CDH3: variants seen among roughly 807,000 people sequenced by gnomAD.
CDH3 encodes the protein cadherin 3, also known as cadherin-3.
Under a neutral mutation model 82.0 loss-of-function variants are expected in CDH3, and 54 were observed. That is an observed-to-expected ratio of 0.66 (90% confidence interval 0.53 to 0.83). The LOEUF (loss-of-function observed/expected upper bound fraction) is 0.83, where lower values mean the gene tolerates loss of function less well. CDH3 is among the 40% of genes least tolerant of loss of function. The pLI is 0.00. For missense variants in CDH3, 1,054 were observed against 1,084.6 expected, an observed-to-expected ratio of 0.97 and a Z score of 0.40; for synonymous variants, 446 against 437.9, an observed-to-expected ratio of 1.02 and a Z score of -0.23.
chr16:68,684,490 A>G (rs944862840), intron 9 of CDH3, 93 bp from the exon 10 acceptor site: 42 of 1,448,326 alleles, frequency 2.9e-5, no homozygotes, highest in Non-Finnish European at 2.6e-5. Context: ...CAAGCCCCTC[A>G]GTATTGGTGT....
In CDH3 at chr16:68,684,629, T is replaced by C. The variant is rs2152102608; in HGVS notation, c.1229T>C (p.Val410Ala). ...AACCAGCACACCCTGTACGTTGAAG[T>C]GACCAACGAGGCCCCTTTTGTGCTG... Reference protein sequence around the residue: ...AKNQHTLYVEVTNEAPFVLKL... With the variant: ...AKNQHTLYVEATNEAPFVLKL... Residue 410 changes from valine (V) to alanine (A), a missense_variant, in exon 10 of 16, where the codon GTG becomes GCG. By Grantham distance (64) the Val-to-Ala change is moderately conservative (BLOSUM62 0). Transcript: ENST00000264012. 1 of 1,614,208 alleles carries C rather than the reference T, an allele frequency of 6.2e-7. No homozygotes were observed. Among genetic ancestry groups the C allele is most frequent in the Non-Finnish European group, 8.5e-7 (1 of 1,180,022 alleles).
In CDH3 at chr16:68,645,750, G is replaced by C. The variant is rs1336444001; in HGVS notation, c.160G>C (p.Val54Leu). 6.5e-7 allele frequency: 1 copy of C among 1,542,818 alleles called. No individual in the cohort carries two copies. Among genetic ancestry groups the C allele is most frequent in the Non-Finnish European group, 8.7e-7 (1 of 1,145,284 alleles). Residue 54 changes from valine to leucine, a missense_variant and splice_region_variant, in exon 2 of 16, where the codon GTA (valine) becomes CTA (leucine). Coordinates refer to ENST00000264012, the MANE Select transcript of CDH3 (RefSeq NM_001793.6). Reference protein sequence around the residue: ...EQEPGQALGKVFMGCPGQEPA... With the variant: ...EQEPGQALGKLFMGCPGQEPA... ...GGAGCCCGGCCAGGCGCTGGGGAAA[G>C]GTAAGATCCTCAGGGTGGAACCGCA...
At chr16:68,690,998 A>C (rs966498716) in intron 12 of CDH3, among the ~76,000 whole-genome samples, 3 of 140,614 alleles carry the variant, frequency 2.1e-5, no homozygotes, top group African/African-American at 7.9e-5. Context: ...GCCATTCTTT[A>C]TTCCTTTACT....
chr16:68,693,752 G>A (rs1328186064), intron 13 of CDH3, among the ~76,000 whole-genome samples: 1 of 152,078 alleles, frequency 6.6e-6, no homozygotes, highest in East Asian at 1.9e-4. Flanking sequence ...CCATCAGCAG[G>A]CAAAAAAGTA....
chr16:68,705,591 T>G (rs992713023), intron 1 of CDH3, among the ~76,000 whole-genome samples: 1 of 151,506 alleles, frequency 6.6e-6, no homozygotes, highest in Non-Finnish European at 1.5e-5. Flanking sequence ...CTGGCTAACT[T>G]TTGTATTTTT....
rs1482549627 is a variant in CDH3, at chr16:68,695,877, G to A, written c.2234G>A (p.Arg745His). 17 of 1,614,014 alleles carry A rather than the reference G, an allele frequency of 1.1e-5. No individual in the cohort carries two copies. Among genetic ancestry groups the A allele is most frequent in the African/African-American group, 2.7e-5 (2 of 74,902 alleles). The change falls in exon 15 of 16, where the codon CGT (arginine) becomes CAT (histidine). Residue 745 changes from arginine (R) to histidine (H), a missense_variant. By Grantham distance (29) the Arg-to-His change is conservative. Coordinates refer to ENST00000264012, the MANE Select transcript of CDH3 (RefSeq NM_001793.6). ...ACCATCATCCCGACACCCATGTACC[G>A]TCCTCGGCCAGCCAACCCAGATGAA... ...APTIIPTPMYRPRPANPDEIG... is the reference protein window; with the variant it reads ...APTIIPTPMYHPRPANPDEIG...
At chr16:68,653,954 TG>T (rs1469862702) in intron 2 of CDH3, among the ~76,000 whole-genome samples, 1 of 151,982 alleles carries the variant, frequency 6.6e-6, no homozygotes, top group East Asian at 1.9e-4. Context: ...CCTGACCTCA[TG>T]ATCCACCCAC....
At chr16:68,650,937 TAAA>T (rs377604279) in intron 2 of CDH3, 814 of 157,672 alleles carry the variant, frequency 5.2e-3, no homozygotes, top group Non-Finnish European at 7.4e-3. Flanking sequence ...TTGAACAGGT[TAAA>T]AAAAAAAAAA....
At chr16:68,715,566 C>G (rs1472732035) in intron 1 of CDH3, among the ~76,000 whole-genome samples, 2 of 152,166 alleles carry the variant, frequency 1.3e-5, no homozygotes, top group Admixed American at 1.3e-4. Context: ...AGAGACATAG[C>G]CCCACTCCAG....
intron 1 of CDH3, among the ~76,000 whole-genome samples, chr16:68,717,940 C>A (rs1962113658): frequency 6.6e-6 from 1 of 152,088 alleles, no homozygotes; most frequent in South Asian, 2.1e-4. Context: ...TCCCAGACTC[C>A]AGAATCATGA....
chr16:68,731,039 AAAAAAAAAATATATATATATATAT>A (rs1962277852), downstream of CDH3, among the ~76,000 whole-genome samples: 1 of 32,106 alleles, frequency 3.1e-5, no homozygotes, highest in Admixed American at 4.5e-4. Flanking sequence ...AAAAAAAAAA[AAAAAAAAAATATATATATATATAT>A]ATATATATAT....
rs561915097 is a variant in CDH3 at position 68,691,011 on chromosome 16, C to CTT, written c.1796-695_1796-694dup. The stretch of plus-strand genomic sequence containing the variant: ...TAGCCATTCTTTATTCCTTTACTTT[C>CTT]TTTTTTTTTTTTTTTGAGACAGTCC... On this transcript the variant is annotated intron_variant, in intron 12 of 15. Coordinates refer to ENST00000264012, the MANE Select transcript of CDH3 (RefSeq NM_001793.6). 6.3e-3 allele frequency among the ~76,000 whole-genome samples: 861 copies of CTT among 137,564 alleles called. 6 individuals carry two copies. Among genetic ancestry groups the CTT allele is most frequent in the South Asian group, 0.039 (167 of 4,330 alleles). 90.2% of individuals were successfully genotyped at this position (137,564 alleles called of 152,430 possible).
intron 3 of CDH3, 107 bp from the exon 4 acceptor site, chr16:68,678,027 G>A: frequency 9.7e-7 from 1 of 1,028,954 alleles, no homozygotes; most frequent in Non-Finnish European, 1.5e-6. Context: ...GGGATTATAG[G>A]CGTGAGCTAC....
At chr16:68,650,867 G>A (rs1255431394) in intron 2 of CDH3, among the ~76,000 whole-genome samples, 1 of 151,394 alleles carries the variant, frequency 6.6e-6, no homozygotes, top group Non-Finnish European at 1.5e-5. Flanking sequence ...GGCAAGGGGG[G>A]AATATCCCTG....
chr16:68,656,451 A>AC (rs1382693326), intron 2 of CDH3, among the ~76,000 whole-genome samples: 1 of 152,076 alleles, frequency 6.6e-6, no homozygotes, highest in Non-Finnish European at 1.5e-5. Context: ...CACCACCACC[A>AC]CCCAGATACC....
chr16:68,728,067 C>T (rs1021248587), downstream of CDH3, among the ~76,000 whole-genome samples: 3 of 152,170 alleles, frequency 2.0e-5, no homozygotes, highest in Non-Finnish European at 2.9e-5. Context: ...TATTGGCATC[C>T]AGCACAAAGC....
rs1961841530 is a variant in CDH3, at chr16:68,699,294, G to A, written c.*894G>A. 6.6e-6 allele frequency: 1 copy of A among 152,090 alleles called. No individual in the cohort carries two copies. The highest frequency in any genetic ancestry group is 6.6e-5 in the Admixed American group (1 of 15,256). The allele number at this position is 152,090 out of a possible 1,614,324, so 9.4% of individuals were successfully genotyped here. ...CTTGCCCTCCTTTGCAAAGTCAGTT[G>A]CTCCATGAGAGAGAACCATTAACCT... On this transcript the variant is annotated 3_prime_UTR_variant, in exon 16 of 16. Transcript: ENST00000264012.
At chr16:68,646,886 T>C (rs1960089530) in intron 2 of CDH3, among the ~76,000 whole-genome samples, 1 of 152,148 alleles carries the variant, frequency 6.6e-6, no homozygotes, top group African/African-American at 2.4e-5. Context: ...ACTGCTTGAA[T>C]GTGGGGCTGT....
chr16:68,717,866 C>T (rs575826456), intron 1 of CDH3, among the ~76,000 whole-genome samples: 8 of 152,138 alleles, frequency 5.3e-5, no homozygotes, highest in Non-Finnish European at 1.2e-4. Context: ...CTTCCACCTC[C>T]ACTTTTCCCC....
Sources: gnomAD v4.1 joint callset for allele counts (sites outside exome capture counted in the v4.1 genomes callset) on GRCh38, gnomAD v4.1.1 for gene constraint, MANE v1.5 for transcripts, NCBI Gene and HGNC (gene_info 2026-07-23, HGNC 2026-07-21) for gene names.